The following NEMP2 variants were observed in gnomAD, a reference collection of about 807,000 sequenced individuals.
The protein encoded by NEMP2 is UPF0571 transmembrane protein.
In NEMP2, 53 loss-of-function variants were observed where a neutral mutation model predicts 54.2. The observed-to-expected ratio is 0.98, with a 90% CI of 0.78 to 1.23. NEMP2 has a LOEUF of 1.23. NEMP2 is among the 50% of genes most tolerant of loss of function. The pLI is 0.00. For synonymous variants in NEMP2, 197 were observed against 190.3 expected (o/e 1.04, Z -0.29); for missense variants, 455 against 511.3 (o/e 0.89, Z 1.06).
At chr2:190,566,558 G>T in the NEMP2 span, among the ~76,000 whole-genome samples, 13 of 151,466 alleles carry the variant, frequency 8.6e-5, no homozygotes, top group Admixed American at 2.0e-4. Context: ...ACTGACTCCA[G>T]CCTGGGCTAC....
the NEMP2 span, among the ~76,000 whole-genome samples, chr2:190,627,030 C>T: frequency 2.0e-5 from 3 of 151,948 alleles, no homozygotes; most frequent in Non-Finnish European, 4.4e-5. This position sits in a 1 kb window ranked among gnomAD's most constrained non-coding sequence, Gnocchi z 4.4. Context: ...AATGGATTAA[C>T]ATCTACACTT....
chr2:190,573,306 TC>T, the NEMP2 span, among the ~76,000 whole-genome samples: 1 of 152,220 alleles, frequency 6.6e-6, no homozygotes, highest in Non-Finnish European at 1.5e-5. Context: ...TACTCTGTTT[TC>T]CCATCTTCTA....
Position 190,534,712 on chromosome 2 carries a change from G to C in NEMP2, c.-57C>G. On this transcript the variant is annotated 5_prime_UTR_variant, in exon 1 of 9. Coordinates refer to ENST00000409150, the MANE Select transcript of NEMP2 (RefSeq NM_001142645.2). ...CCCTAGGGGACCGGCTCCGCTGCGA[G>C]GAGCGGAAGTGGCGCGGGGGCTCAG... The C allele has an allele frequency of 1.6e-5, 19 of 1,195,582 alleles. No individual in the cohort carries two copies. Among genetic ancestry groups the C allele is most frequent in the Non-Finnish European group, 1.9e-5 (18 of 951,148 alleles). 74.1% of individuals were successfully genotyped at this position (1,195,582 alleles called of 1,614,324 possible).
chr2:190,491,215 A>C, the NEMP2 span, among the ~76,000 whole-genome samples: 1 of 152,354 alleles, frequency 6.6e-6, no homozygotes, highest in East Asian at 1.9e-4. The surrounding 1 kb of genome is among the most constrained non-coding windows in gnomAD (Gnocchi z 4.2). Context: ...TTAGTTTTTA[A>C]AATACTTGTG....
the NEMP2 span, among the ~76,000 whole-genome samples, chr2:190,485,375 T>C: frequency 6.6e-6 from 1 of 152,210 alleles, no homozygotes; most frequent in Non-Finnish European, 1.5e-5. This position sits in a 1 kb window ranked among gnomAD's most constrained non-coding sequence, Gnocchi z 5.1. Flanking sequence ...GCGTCAGCAT[T>C]AAAGTTAACC....
the NEMP2 span, among the ~76,000 whole-genome samples, chr2:190,579,598 C>T: frequency 1.3e-5 from 2 of 152,036 alleles, no homozygotes; most frequent in Non-Finnish European, 2.9e-5. Context: ...ACAAAATGAC[C>T]AAGGAACAAA....
At chr2:190,549,627 C>CT in the NEMP2 span, among the ~76,000 whole-genome samples, 2 of 151,498 alleles carry the variant, frequency 1.3e-5, no homozygotes, top group East Asian at 1.9e-4. Context: ...GCAATTATTA[C>CT]TTTTTTTTTC....
Position 190,533,445 on chromosome 2 carries a change from C to A in NEMP2, c.97+1114G>T, listed in dbSNP as rs936402611. ...TGGGTATTAAATATGATAGATACTG[C>A]AGTTAAAGCACTTATAACACTGCCT... On this transcript the variant is annotated intron_variant, in intron 1 of 8. Coordinates refer to ENST00000409150, the MANE Select transcript of NEMP2 (RefSeq NM_001142645.2). The surrounding 1 kb of genome is among the most constrained non-coding windows in gnomAD (Gnocchi z 4.3). Among the ~76,000 whole-genome samples, 8 of 152,216 alleles carry A rather than the reference C, an allele frequency of 5.3e-5. No individual in the cohort carries two copies. In the East Asian group the frequency reaches 1.2e-3, roughly 22 times the overall value.
At chr2:190,472,364 A>G in the NEMP2 span, among the ~76,000 whole-genome samples, 2 of 152,240 alleles carry the variant, frequency 1.3e-5, no homozygotes, top group South Asian at 2.1e-4. Context: ...ATGGCTAACT[A>G]CAATAACCAA....
At chr2:190,540,244 T>G in the NEMP2 span, among the ~76,000 whole-genome samples, 2 of 151,910 alleles carry the variant, frequency 1.3e-5, no homozygotes, top group Non-Finnish European at 2.9e-5. Flanking sequence ...TGTCGAACCA[T>G]CCTTGCATTC....
chr2:190,532,710 C>T (rs1215620992), intron 1 of NEMP2, among the ~76,000 whole-genome samples: 3 of 152,202 alleles, frequency 2.0e-5, no homozygotes, highest in Non-Finnish European at 4.4e-5. Context: ...AAGCCCCTCG[C>T]TTAAAGGAAG....
chr2:190,602,387 T>G, the NEMP2 span, among the ~76,000 whole-genome samples: 1 of 152,216 alleles, frequency 6.6e-6, no homozygotes, highest in African/African-American at 2.4e-5. Context: ...AATATCAGTC[T>G]TTGTACTTAA....
chr2:190,518,865 G>A, intron 3 of NEMP2, 57 bp from the exon 4 acceptor site: 2 of 1,514,856 alleles, frequency 1.3e-6, no homozygotes, highest in Non-Finnish European at 8.9e-7. Flanking sequence ...ATGTAATGTT[G>A]GTAAAAGAAG....
chr2:190,446,977 G>A, the NEMP2 span, among the ~76,000 whole-genome samples: 1 of 152,104 alleles, frequency 6.6e-6, no homozygotes, highest in Non-Finnish European at 1.5e-5. Context: ...TGCTGGGACA[G>A]GTCACAAGCC....
rs1362166697 is a variant in NEMP2, at chr2:190,527,589, CA to C, written c.98-2212del. ...TTGCAGAGTTTGAGAGTCCAAGATGCAAATACAAGAATCCAGGTGAAAAGCC... is the reference window on the plus strand; with the variant it reads ...TTGCAGAGTTTGAGAGTCCAAGATGCAATACAAGAATCCAGGTGAAAAGCC... On this transcript the variant is annotated intron_variant, in intron 1 of 8. Coordinates refer to ENST00000409150, the MANE Select transcript of NEMP2 (RefSeq NM_001142645.2). The surrounding 1 kb of genome is among the most constrained non-coding windows in gnomAD (Gnocchi z 4.0). Among the ~76,000 whole-genome samples the C allele has an allele frequency of 6.6e-5, 10 of 152,236 alleles. No homozygotes were observed. The South Asian group carries it at 1.0e-3, about 16-fold the overall frequency.
Position 190,519,245 on chromosome 2 carries a change from A to C in NEMP2, c.214-62T>G. ...AACTTCTCTTTTTTGTTTTGGAGAC[A>C]GGGTCTCCCTCTGTTGCCCAGAATG... On this transcript the variant is annotated intron_variant, in intron 2 of 8. Coordinates refer to ENST00000409150, the MANE Select transcript of NEMP2 (RefSeq NM_001142645.2). The surrounding 1 kb of genome is among the most constrained non-coding windows in gnomAD (Gnocchi z 5.4). 2 of 1,174,112 alleles carry C rather than the reference A, an allele frequency of 1.7e-6. No homozygotes were observed. Among genetic ancestry groups the C allele is most frequent in the Non-Finnish European group, 2.4e-6 (2 of 829,780 alleles). 72.7% of individuals were successfully genotyped at this position (1,174,112 alleles called of 1,614,324 possible). A position where few individuals can be genotyped will look rare whatever the true frequency, so the allele number is the denominator to read the frequency against.
the NEMP2 span, among the ~76,000 whole-genome samples, chr2:190,578,000 A>G: frequency 6.6e-6 from 1 of 152,256 alleles, no homozygotes; most frequent in African/African-American, 2.4e-5. This position sits in a 1 kb window ranked among gnomAD's most constrained non-coding sequence, Gnocchi z 4.8. Context: ...TTTTGTCTAC[A>G]GACAGATCCC....
the NEMP2 span, among the ~76,000 whole-genome samples, chr2:190,479,835 C>T: frequency 7.9e-5 from 12 of 151,842 alleles, no homozygotes; most frequent in Non-Finnish European, 1.2e-4. Context: ...CAGTGGGAGC[C>T]GGGTTAAGAT....
chr2:190,510,593 C>G lies in NEMP2; in HGVS notation c.954-56G>C. 1 of 1,536,410 alleles carries G rather than the reference C, an allele frequency of 6.5e-7. No homozygotes were observed. Among genetic ancestry groups the G allele is most frequent in the South Asian group, 1.2e-5 (1 of 83,558 alleles). On this transcript the variant is annotated intron_variant, in intron 7 of 8. Transcript: ENST00000409150. This position sits in a 1 kb window ranked among gnomAD's most constrained non-coding sequence, Gnocchi z 5.7. ...TTCCTAATTCAATCCTTAAGATTTA[C>G]AAAAATAGGCCAGGCTCGGTGGCTC...
Sources: gnomAD v4.1 joint callset for allele counts (sites outside exome capture counted in the v4.1 genomes callset) on GRCh38, gnomAD v4.1.1 for gene constraint, Gnocchi (gnomAD v3.1) non-coding constraint, MANE v1.5 for transcripts, NCBI Gene and HGNC (gene_info 2026-07-23, HGNC 2026-07-21) for gene names.